DMAP1: variants seen among roughly 807,000 people sequenced by gnomAD.
The protein encoded by DMAP1 is DNA methyltransferase 1 associated protein 1.
A neutral mutation model predicts 52.7 loss-of-function variants in DMAP1; 26 were observed. That is an observed-to-expected ratio of 0.49 (90% CI 0.36 to 0.68). The LOEUF is 0.68. Among genes scored for constraint, DMAP1 ranks in the 30% least tolerant of loss-of-function variants. The probability of loss-of-function intolerance (pLI) is 0.00; values close to 1 mark genes in which losing one functional copy is unlikely to be tolerated. For synonymous variants in DMAP1, 231 were observed against 246.0 expected, an observed-to-expected ratio of 0.94 and a Z score of 0.57; for missense variants, 439 against 625.2, an observed-to-expected ratio of 0.70 and a Z score of 3.18.
Position 44,220,063 on chromosome 1 carries a change from G to A in DMAP1, c.1098G>A (p.Glu366=). The change falls in exon 9 of 10, where the codon GAG becomes GAA. Residue 366 remains glutamate, a synonymous_variant. Coordinates refer to ENST00000372289, the MANE Select transcript of DMAP1 (RefSeq NM_019100.5). ...AGGAGCTGGTGCACATGTTCAATGA[G>A]CTGCGAAGCGACCTGGTGCTGCTCT... ...PTEELVHMFN[E]LRSDLVLLYE... 1.9e-6 allele frequency: 3 copies of A among 1,606,668 alleles called. No homozygotes were observed. The South Asian group carries it at 3.3e-5, about 18-fold the overall frequency.
At position 44,218,253 on chromosome 1, in the gene DMAP1, G is replaced by T. The variant is rs1381199944; in HGVS notation, c.394-58G>T. The T allele has an allele frequency of 2.5e-6, 4 of 1,612,520 alleles. No individual in the cohort carries two copies. Among genetic ancestry groups the T allele is most frequent in the Non-Finnish European group, 3.4e-6 (4 of 1,178,668 alleles). On this transcript the variant is annotated intron_variant, in intron 3 of 9. Coordinates refer to ENST00000372289, the MANE Select transcript of DMAP1 (RefSeq NM_019100.5). This position sits in a 1 kb window ranked among gnomAD's most constrained non-coding sequence, Gnocchi z 5.6. ...GCAGCTGTGGTCACTGGGGCCTGGA[G>T]CCTGCTGGACATGACATCATGCGGG...
In DMAP1 at chr1:44,218,156, A is replaced by G; in HGVS notation, c.394-155A>G. On this transcript the variant is annotated intron_variant, in intron 3 of 9. Coordinates refer to ENST00000372289, the MANE Select transcript of DMAP1 (RefSeq NM_019100.5). The surrounding 1 kb of genome is among the most constrained non-coding windows in gnomAD (Gnocchi z 5.6). ...AGTCCCAAACCCTGCTAGGACCTCT[A>G]GTCAAGCAGACAAGTTCTTTCCTCA... The G allele has an allele frequency of 2.0e-6, 2 of 976,296 alleles. No individual in the cohort carries two copies. Among genetic ancestry groups the G allele is most frequent in the Non-Finnish European group, 3.3e-6 (2 of 609,686 alleles). 60.5% of individuals were successfully genotyped at this position (976,296 alleles called of 1,614,324 possible). A position where few individuals can be genotyped will look rare whatever the true frequency, so the allele number is the denominator to read the frequency against.
chr1:44,219,429 C>A lies in DMAP1; in HGVS notation c.930C>A (p.Ile310=), dbSNP rs1204042922. The change falls in exon 7 of 10, where the codon ATC becomes ATA. Residue 310 remains isoleucine (I), a synonymous_variant. Coordinates refer to ENST00000372289, the MANE Select transcript of DMAP1 (RefSeq NM_019100.5). ...EKPAVPETAG[I]KFPDFKSAGV... ...AGGCTGTTCCTGAGACTGCAGGCATCAAGTTTCCAGACTTCAAGTCTGCAG... is the reference window on the plus strand; with the variant it reads ...AGGCTGTTCCTGAGACTGCAGGCATAAAGTTTCCAGACTTCAAGTCTGCAG... The A allele has an allele frequency of 1.3e-5, 20 of 1,592,602 alleles. No homozygotes were observed. Among genetic ancestry groups the A allele is most frequent in the African/African-American group, 2.7e-5 (2 of 73,768 alleles).
chr1:44,214,986 C>T (rs1267144578), intron 3 of DMAP1, 88 bp downstream of exon 3: 8 of 1,503,924 alleles, frequency 5.3e-6, no homozygotes, highest in South Asian at 4.7e-5. Flanking sequence ...AGGGTTGGTT[C>T]TGGGGGCACG....
At position 44,220,184 on chromosome 1, in the gene DMAP1, C is replaced by A; in HGVS notation, c.1219C>A (p.Pro407Thr). Residue 407 changes from proline (P) to threonine (T), a missense_variant, in exon 9 of 10, where the codon CCT (proline) becomes ACT (threonine). Pro to Thr is a conservative substitution (Grantham distance 38). Around this residue, in one of 3 missense-constraint regions of DMAP1, gnomAD observed 179 missense variants for 285.9 expected, o/e 0.63. Transcript: ENST00000372289. ...GGCCCGGGCTGGTGTGCTAGGGGGC[C>A]CTGCCACACCAGCATCAGGCCCAGG... The part of the protein sequence containing the change: ...ALARAGVLGG[P>T]ATPASGPGPA... 1 of 1,604,968 alleles carries A rather than the reference C, an allele frequency of 6.2e-7. No individual in the cohort carries two copies. Among genetic ancestry groups the A allele is most frequent in the Non-Finnish European group, 8.5e-7 (1 of 1,173,206 alleles).
intron 3 of DMAP1, chr1:44,216,538 TTGG>T (rs1164252794): frequency 6.6e-6 from 1 of 152,280 alleles, no homozygotes; most frequent in Non-Finnish European, 1.5e-5. Flanking sequence ...CCCTGAGTTG[TTGG>T]TTTGTTTGTT....
rs2154314464 is a variant in DMAP1, at chr1:44,220,268, A to G, written c.1303A>G (p.Thr435Ala). ...EPGLGPDPKD[T>A]IIDVVGAPLT... ...CGGACTTGGTCCTGACCCCAAGGAC[A>G]CCATCATTGATGTGGTGGGCGCACC... Residue 435 changes from threonine (T) to alanine (A), a missense_variant, in exon 9 of 10, where the codon ACC becomes GCC. By Grantham distance (58) the Thr-to-Ala change is moderately conservative. This residue lies in a region of DMAP1 where 179 missense variants were observed against 285.9 expected (regional missense o/e 0.63). Transcript: ENST00000372289. The G allele has an allele frequency of 2.9e-5, 45 of 1,563,558 alleles. No individual in the cohort carries two copies. Among genetic ancestry groups the G allele is most frequent in the Non-Finnish European group, 3.9e-5 (45 of 1,149,620 alleles).
rs1643864691 is a variant in DMAP1 at position 44,219,407 on chromosome 1, C to T, written c.908C>T (p.Ala303Val). The change falls in exon 7 of 10, where the codon GCT becomes GTT. Residue 303 changes from alanine (A) to valine (V), a missense_variant and splice_region_variant. Coordinates refer to ENST00000372289, the MANE Select transcript of DMAP1 (RefSeq NM_019100.5). ...TCTCCATAATGCCTTCTCCCCCAGG[C>T]TGTTCCTGAGACTGCAGGCATCAAG... ...LPQKKEAEKP[A>V]VPETAGIKFP... 4 of 1,583,490 alleles carry T rather than the reference C, an allele frequency of 2.5e-6. No individual in the cohort carries two copies. Among genetic ancestry groups the T allele is most frequent in the Non-Finnish European group, 2.6e-6 (3 of 1,168,210 alleles).
chr1:44,214,349 G>GA lies in DMAP1; in HGVS notation c.111dup (p.Ser38IlefsTer6). 6 of 1,613,860 alleles carry GA rather than the reference G, an allele frequency of 3.7e-6. No homozygotes were observed. Among genetic ancestry groups the GA allele is most frequent in the Non-Finnish European group, 5.1e-6 (6 of 1,179,966 alleles). ...TTCCTTTCTGTGGTTTCCTTCCTCA[G>GA]AAAAAATCCAAGAAGTCCTCTGAGA... On this transcript the variant is annotated frameshift_variant and splice_region_variant. Transcript: ENST00000372289. LOFTEE classifies it high-confidence loss of function.
chr1:44,220,394 G>C (rs1643879872), intron 9 of DMAP1, 85 bp downstream of exon 9: 2 of 1,525,310 alleles, frequency 1.3e-6, no homozygotes, highest in African/African-American at 1.4e-5. Context: ...TCTCCCTCTA[G>C]TGCCTGCAGC....
At chr1:44,220,510 C>T in intron 9 of DMAP1, 49 bp from the exon 10 acceptor site, 1 of 1,614,154 alleles carries the variant, frequency 6.2e-7, no homozygotes, top group Non-Finnish European at 8.5e-7. Flanking sequence ...CTAAGCCTGA[C>T]TCAGGCCTTG....
Position 44,214,632 on chromosome 1 carries a change from T to A in DMAP1, c.198-71T>A, listed in dbSNP as rs1643751168. ...TTGCTATAGGGTAGGGTAGATCAGCTCCCTGGGACAAAAAGCTCTTTAACA... is the reference window on the plus strand; with the variant it reads ...TTGCTATAGGGTAGGGTAGATCAGCACCCTGGGACAAAAAGCTCTTTAACA... On this transcript the variant is annotated intron_variant, in intron 2 of 9. Coordinates refer to ENST00000372289, the MANE Select transcript of DMAP1 (RefSeq NM_019100.5). 13 of 1,613,212 alleles carry A rather than the reference T, an allele frequency of 8.1e-6. No homozygotes were observed. In the Admixed American group the frequency reaches 1.7e-4, roughly 21 times the overall value.
chr1:44,218,548 C>A lies in DMAP1; in HGVS notation c.553-40C>A. 1 of 1,607,840 alleles carries A rather than the reference C, an allele frequency of 6.2e-7. No homozygotes were observed. Among genetic ancestry groups the A allele is most frequent in the Non-Finnish European group, 8.5e-7 (1 of 1,175,296 alleles). On this transcript the variant is annotated intron_variant, in intron 4 of 9. Transcript: ENST00000372289. This position sits in a 1 kb window ranked among gnomAD's most constrained non-coding sequence, Gnocchi z 5.6. ...ACTTTTATGCCATCTCTTCCACATG[C>A]CCCTGAATGTTCATTCCTCTACCCT...
At chr1:44,215,124 C>CTT (rs1643761650) in intron 3 of DMAP1, 2 of 669,128 alleles carry the variant, frequency 3.0e-6, no homozygotes, top group African/African-American at 3.5e-5. Flanking sequence ...CATGGCTTTT[C>CTT]TTGGTCTTTC....
rs757527244 is a variant in DMAP1 at position 44,218,655 on chromosome 1, C to T, written c.620C>T (p.Ala207Val). 2 of 1,614,020 alleles carry T rather than the reference C, an allele frequency of 1.2e-6. No homozygotes were observed. The highest frequency in any genetic ancestry group is 1.7e-6 in the Non-Finnish European group (2 of 1,179,916). Reference sequence around the variant, plus strand: ...TGTGCTAAGCTTGCCAACGTGCGGGCTGTGCCAGGCACAGACCTTAAGATA... The same window carrying T: ...TGTGCTAAGCTTGCCAACGTGCGGGTTGTGCCAGGCACAGACCTTAAGATA... ...HICAKLANVR[A>V]VPGTDLKIPV... Residue 207 changes from alanine to valine, a missense_variant, in exon 5 of 10, where the codon GCT becomes GTT. Coordinates refer to ENST00000372289, the MANE Select transcript of DMAP1 (RefSeq NM_019100.5). This position sits in a 1 kb window ranked among gnomAD's most constrained non-coding sequence, Gnocchi z 5.6.
rs1204042922 is a variant in DMAP1 at position 44,219,429 on chromosome 1, C to T, written c.930C>T (p.Ile310=). 2 of 1,592,720 alleles carry T rather than the reference C, an allele frequency of 1.3e-6. No homozygotes were observed. The highest frequency in any genetic ancestry group is 1.1e-5 in the South Asian group (1 of 87,272). The change falls in exon 7 of 10, where the codon ATC becomes ATT. Residue 310 remains isoleucine (I), a synonymous_variant. Coordinates refer to ENST00000372289, the MANE Select transcript of DMAP1 (RefSeq NM_019100.5). ...EKPAVPETAG[I]KFPDFKSAGV... ...AGGCTGTTCCTGAGACTGCAGGCATCAAGTTTCCAGACTTCAAGTCTGCAG... is the reference window on the plus strand; with the variant it reads ...AGGCTGTTCCTGAGACTGCAGGCATTAAGTTTCCAGACTTCAAGTCTGCAG...
chr1:44,214,417 A>G lies in DMAP1; in HGVS notation c.173A>G (p.Tyr58Cys), dbSNP rs778558636. 1.2e-6 allele frequency: 2 copies of G among 1,614,174 alleles called. No individual in the cohort carries two copies. The highest frequency in any genetic ancestry group is 1.7e-6 in the Non-Finnish European group (2 of 1,180,016). Residue 58 changes from tyrosine to cysteine, a missense_variant, in exon 2 of 10, where the codon TAT becomes TGT. This residue lies in a region of DMAP1 where 118 missense variants were observed against 189.8 expected (regional missense o/e 0.62). Transcript: ENST00000372289. ...CCCGAGGGCATGCACCGGGAAGTCT[A>G]TGCCTTGCTCTACTCTGACAAGAAG... ...KRPEGMHREV[Y>C]ALLYSDKKDA...
In DMAP1 at chr1:44,219,830, CAGA is replaced by C; in HGVS notation, c.1010_1012del (p.Lys337del). On this transcript the variant is annotated inframe_deletion, in exon 8 of 10. Coordinates refer to ENST00000372289, the MANE Select transcript of DMAP1 (RefSeq NM_019100.5). ...GATGAAGCTGCCAAGCTCTGTGGGACAGAAGAAGATCAAGGCCCTGGAACAGAT... is the reference window on the plus strand; with the variant it reads ...GATGAAGCTGCCAAGCTCTGTGGGACAGAAGATCAAGGCCCTGGAACAGAT... 6.2e-7 allele frequency: 1 copy of C among 1,614,212 alleles called. No homozygotes were observed. The highest frequency in any genetic ancestry group is 8.5e-7 in the Non-Finnish European group (1 of 1,180,042).
At chr1:44,220,404 C>G in intron 9 of DMAP1, 95 bp downstream of exon 9, 1 of 1,531,362 alleles carries the variant, frequency 6.5e-7, no homozygotes, top group Non-Finnish European at 8.8e-7. Flanking sequence ...GTGCCTGCAG[C>G]AGGAACGATC....
Sources: gnomAD v4.1 joint callset for allele counts on GRCh38, gnomAD v4.1.1 for gene constraint, gnomAD v4.1.1 regional missense constraint, Gnocchi (gnomAD v3.1) non-coding constraint, MANE v1.5 for transcripts, NCBI Gene and HGNC (gene_info 2026-07-23, HGNC 2026-07-21) for gene names.